The following ATRNL1 variants were observed in gnomAD, a reference collection of about 807,000 sequenced individuals.
ATRNL1 encodes attractin-like protein 1.
In ATRNL1, 95 loss-of-function variants were observed where a neutral mutation model predicts 182.7. The observed-to-expected ratio is 0.52, with a 90% CI of 0.44 to 0.62. The LOEUF is 0.62. Ranked by LOEUF, ATRNL1 falls within the 20% of genes least tolerant of loss-of-function variation. The pLI, the probability that ATRNL1 is intolerant of heterozygous loss-of-function variation, is 0.00. For missense variants in ATRNL1, 1,471 were observed against 1,679.5 expected, an observed-to-expected ratio of 0.88 and a Z score of 2.17; for synonymous variants, 576 against 568.3, an observed-to-expected ratio of 1.01 and a Z score of -0.19.
At chr10:115,624,803 G>A (rs956871508) in intron 26 of ATRNL1, among the ~76,000 whole-genome samples, 1 of 152,046 alleles carries the variant, frequency 6.6e-6, no homozygotes, top group Non-Finnish European at 1.5e-5. Context: ...AATAATTAGG[G>A]GGTGATAAGG....
intron 20 of ATRNL1, among the ~76,000 whole-genome samples, chr10:115,404,298 A>G (rs1554957692): frequency 6.6e-6 from 1 of 152,190 alleles, no homozygotes; most frequent in Non-Finnish European, 1.5e-5. Flanking sequence ...TGTATTTCGC[A>G]GCCTCCATTG....
chr10:115,257,917 A>G (rs1280921294), intron 10 of ATRNL1, among the ~76,000 whole-genome samples: 1 of 152,170 alleles, frequency 6.6e-6, no homozygotes, highest in African/African-American at 2.4e-5. Context: ...CTTTTCTTTA[A>G]GAATGTTGAA....
chr10:115,118,407 T>C (rs1357376713), intron 1 of ATRNL1, among the ~76,000 whole-genome samples: 1 of 152,176 alleles, frequency 6.6e-6, no homozygotes, highest in Non-Finnish European at 1.5e-5. Context: ...GATAATGTTA[T>C]CTTTCTTTAG....
chr10:115,424,353 G>A (rs1410019305), intron 20 of ATRNL1, among the ~76,000 whole-genome samples: 1 of 152,162 alleles, frequency 6.6e-6, no homozygotes, highest in Non-Finnish European at 1.5e-5. Context: ...TAATACAGCT[G>A]TTTGTGGACA....
chr10:115,474,607 T>C (rs989261840), intron 24 of ATRNL1, among the ~76,000 whole-genome samples: 8 of 151,164 alleles, frequency 5.3e-5, no homozygotes, highest in African/African-American at 7.3e-5. Flanking sequence ...TTAAAGAGTA[T>C]CACCAGGGAT....
At chr10:115,372,775 C>G (rs1298252035) in intron 19 of ATRNL1, among the ~76,000 whole-genome samples, 1 of 152,008 alleles carries the variant, frequency 6.6e-6, no homozygotes, top group Non-Finnish European at 1.5e-5. Flanking sequence ...ATTACTATGG[C>G]TTTGTAGTTT....
chr10:115,191,658 T>G (rs1848173734), intron 8 of ATRNL1, among the ~76,000 whole-genome samples: 1 of 152,022 alleles, frequency 6.6e-6, no homozygotes, highest in African/African-American at 2.4e-5. Flanking sequence ...GAGTGAGTTC[T>G]CATGAGATCT....
chr10:115,269,948 T>C (rs1426078252), intron 13 of ATRNL1, among the ~76,000 whole-genome samples: 1 of 152,010 alleles, frequency 6.6e-6, no homozygotes, highest in East Asian at 1.9e-4. Flanking sequence ...TGAACCCTTT[T>C]GTTTTCATAC....
chr10:115,111,419 G>A (rs1554867997), intron 1 of ATRNL1, among the ~76,000 whole-genome samples: 1 of 152,198 alleles, frequency 6.6e-6, no homozygotes, highest in African/African-American at 2.4e-5. Context: ...TCATGATTCT[G>A]CAGGATGTAC....
chr10:115,626,942 G>T (rs931768199), intron 26 of ATRNL1, among the ~76,000 whole-genome samples: 1 of 151,990 alleles, frequency 6.6e-6, no homozygotes, highest in Non-Finnish European at 1.5e-5. Context: ...ATTTAACATG[G>T]TTTTTGCCTC....
chr10:115,886,428 C>T (rs1436640225), intron 28 of ATRNL1, among the ~76,000 whole-genome samples: 1 of 152,162 alleles, frequency 6.6e-6, no homozygotes, highest in Non-Finnish European at 1.5e-5. Flanking sequence ...GCAGGAGAAT[C>T]GCTTGAACCC....
intron 28 of ATRNL1, among the ~76,000 whole-genome samples, chr10:115,900,041 A>C (rs1952311573): frequency 6.6e-6 from 1 of 152,216 alleles, no homozygotes; most frequent in South Asian, 2.1e-4. Flanking sequence ...AATTAAGACA[A>C]TATGCTACTG....
chr10:115,834,553 C>G (rs1013290747), intron 27 of ATRNL1, among the ~76,000 whole-genome samples: 15 of 152,308 alleles, frequency 9.8e-5, no homozygotes, highest in African/African-American at 3.6e-4. Context: ...GGAATGTTCC[C>G]TTTACCATTT....
intron 8 of ATRNL1, among the ~76,000 whole-genome samples, chr10:115,207,189 T>C (rs1848831717): frequency 6.6e-6 from 1 of 152,204 alleles, no homozygotes; most frequent in African/African-American, 2.4e-5. Context: ...TTTATAATCC[T>C]TTGGGTATAT....
intron 26 of ATRNL1, among the ~76,000 whole-genome samples, chr10:115,553,660 T>C (rs1853134606): frequency 6.6e-6 from 1 of 151,356 alleles, no homozygotes; most frequent in Non-Finnish European, 1.5e-5. Flanking sequence ...TTAAAAATAA[T>C]AAACCAATAC....
chr10:115,718,719 G>A (rs1242232661), intron 26 of ATRNL1, among the ~76,000 whole-genome samples: 3 of 152,208 alleles, frequency 2.0e-5, no homozygotes, highest in Non-Finnish European at 2.9e-5. Flanking sequence ...TTCCCGAAGA[G>A]TCACCTTCAA....
At chr10:115,291,829 TTA>T (rs1852923812) in intron 15 of ATRNL1, among the ~76,000 whole-genome samples, 2 of 151,348 alleles carry the variant, frequency 1.3e-5, no homozygotes, top group Non-Finnish European at 3.0e-5. Flanking sequence ...TTTTTTTTTT[TTA>T]ATGTCCTTGT....
At chr10:115,416,457 G>T (rs562111176) in intron 20 of ATRNL1, among the ~76,000 whole-genome samples, 3 of 152,100 alleles carry the variant, frequency 2.0e-5, no homozygotes, top group East Asian at 3.9e-4. Flanking sequence ...TTTCTAATTT[G>T]CTTTTTTGAG....
intron 19 of ATRNL1, among the ~76,000 whole-genome samples, chr10:115,372,075 G>C (rs1237418560): frequency 2.6e-5 from 4 of 152,248 alleles, no homozygotes; most frequent in Middle Eastern, 3.4e-3. Flanking sequence ...TGATTGTGTG[G>C]CCTCCCCAGC....
Sources: allele counts gnomAD v4.1 joint callset (sites outside exome capture counted in the v4.1 genomes callset), GRCh38; gene constraint gnomAD v4.1.1; transcripts MANE v1.5; gene names NCBI Gene and HGNC (gene_info 2026-07-23, HGNC 2026-07-21).